GDAP1: variants seen among roughly 807,000 people sequenced by gnomAD.
The protein encoded by GDAP1 is ganglioside induced differentiation associated protein 1.
GDAP1 carries 34 observed loss-of-function variants against 40.1 expected under a neutral mutation model. The observed-to-expected ratio is 0.85, with a 90% CI of 0.64 to 1.13. The LOEUF is 1.13. Among genes scored for constraint, GDAP1 ranks in the 50% most tolerant of loss-of-function variants. GDAP1 has a pLI of 0.00. For missense variants in GDAP1, 374 were observed against 433.7 expected, an observed-to-expected ratio of 0.86 and a Z score of 1.22; for synonymous variants, 170 against 157.4, an observed-to-expected ratio of 1.08 and a Z score of -0.60.
In GDAP1 at chr8:74,361,869, T is replaced by C. The variant is rs760895192; in HGVS notation, c.485-15T>C. ...AGAAAATAATTTTCTGTTTCCAAAA[T>C]GTTTTTATTATCAGGCCAAATTGGA... On this transcript the variant is annotated splice_polypyrimidine_tract_variant and intron_variant, in intron 3 of 5. Transcript: ENST00000220822. 1.4e-6 allele frequency: 2 copies of C among 1,440,506 alleles called. No individual in the cohort carries two copies. The highest frequency in any genetic ancestry group is 2.0e-6 in the Non-Finnish European group (2 of 1,019,720). The allele number at this position is 1,440,506 out of a possible 1,614,324, so 89.2% of individuals were successfully genotyped here. A position where few individuals can be genotyped will look rare whatever the true frequency, so the allele number is the denominator to read the frequency against.
At chr8:74,422,192 C>CT (rs1196157407) in intron 2 of GDAP1, among the ~76,000 whole-genome samples, 1 of 135,850 alleles carries the variant, frequency 7.4e-6, no homozygotes, top group Admixed American at 7.4e-5. Context: ...TCTTTTTTCT[C>CT]TTTCTTCTTT....
chr8:74,375,763 T>C (rs1323859709), intron 2 of GDAP1, among the ~76,000 whole-genome samples: 1 of 152,170 alleles, frequency 6.6e-6, no homozygotes, highest in Non-Finnish European at 1.5e-5. Flanking sequence ...CTACTTGTTA[T>C]CCCATGGAGT....
intron 2 of GDAP1, among the ~76,000 whole-genome samples, chr8:74,474,806 A>G (rs1449192347): frequency 6.6e-6 from 1 of 152,182 alleles, no homozygotes; most frequent in Non-Finnish European, 1.5e-5. Flanking sequence ...TGATGGCCTT[A>G]TAGAATGAGT....
chr8:74,407,619 C>T (rs1008062510), intron 2 of GDAP1, among the ~76,000 whole-genome samples: 2 of 149,874 alleles, frequency 1.3e-5, no homozygotes, highest in African/African-American at 2.6e-5. Flanking sequence ...ACCTTGTGAT[C>T]GTGTGAGTCA....
At chr8:74,455,413 T>C (rs1031744620) in intron 2 of GDAP1, among the ~76,000 whole-genome samples, 1 of 151,974 alleles carries the variant, frequency 6.6e-6, no homozygotes, top group African/African-American at 2.4e-5. Flanking sequence ...AGATGAATTA[T>C]TTGTGCCATC....
At chr8:74,486,331 G>A (rs886860041) in intron 2 of GDAP1, among the ~76,000 whole-genome samples, 1 of 152,096 alleles carries the variant, frequency 6.6e-6, no homozygotes, top group Non-Finnish European at 1.5e-5. Context: ...AGCCACAGGC[G>A]GTCACTCTAT....
chr8:74,472,228 G>C (rs991606574), intron 2 of GDAP1, among the ~76,000 whole-genome samples: 2 of 152,112 alleles, frequency 1.3e-5, no homozygotes, highest in Non-Finnish European at 2.9e-5. Context: ...GAGGATAATG[G>C]CTTCCAACTA....
chr8:74,392,385 A>T (rs1040844389), intron 2 of GDAP1, among the ~76,000 whole-genome samples: 1 of 152,196 alleles, frequency 6.6e-6, no homozygotes, highest in African/African-American at 2.4e-5. Context: ...TCAAAAAACA[A>T]AGAAAACGAG....
At chr8:74,431,600 G>A (rs1302297526) in intron 2 of GDAP1, among the ~76,000 whole-genome samples, 1 of 151,992 alleles carries the variant, frequency 6.6e-6, no homozygotes, top group East Asian at 1.9e-4. Flanking sequence ...TCCTGCCTCA[G>A]CCTCCCAAGT....
intron 2 of GDAP1, among the ~76,000 whole-genome samples, chr8:74,389,956 G>A (rs1161734245): frequency 5.3e-5 from 8 of 151,916 alleles, no homozygotes; most frequent in African/African-American, 1.5e-4. Flanking sequence ...TTCAATCTCC[G>A]ATGTCTTTTC....
At chr8:74,401,794 T>G (rs1339867854) in intron 2 of GDAP1, among the ~76,000 whole-genome samples, 1 of 150,044 alleles carries the variant, frequency 6.7e-6, no homozygotes, top group Non-Finnish European at 1.5e-5. Context: ...GAGCTGCAGG[T>G]CTGTTGGAGT....
chr8:74,459,846 G>A (rs764541442), intron 2 of GDAP1, among the ~76,000 whole-genome samples: 19 of 152,098 alleles, frequency 1.2e-4, no homozygotes, highest in East Asian at 3.9e-4. Context: ...TAAGGCATGC[G>A]CAGGAGCTAT....
chr8:74,488,449 C>G (rs1210922387), intron 2 of GDAP1, among the ~76,000 whole-genome samples: 1 of 152,126 alleles, frequency 6.6e-6, no homozygotes, highest in South Asian at 2.1e-4. Context: ...CATACTTGGA[C>G]ATAAGAATGA....
At chr8:74,383,494 G>A (rs943524940) in intron 2 of GDAP1, among the ~76,000 whole-genome samples, 5 of 152,134 alleles carry the variant, frequency 3.3e-5, no homozygotes, top group African/African-American at 1.2e-4. Flanking sequence ...GATTTCAAAA[G>A]TTTTAGATTT....
intron 2 of GDAP1, among the ~76,000 whole-genome samples, chr8:74,396,639 A>T (rs890125384): frequency 1.3e-5 from 2 of 152,018 alleles, no homozygotes; most frequent in Admixed American, 6.6e-5. Context: ...GTTTACTGAG[A>T]ATGATGATTT....
chr8:74,417,379 A>G (rs926676550), intron 2 of GDAP1, among the ~76,000 whole-genome samples: 1 of 150,020 alleles, frequency 6.7e-6, no homozygotes, highest in Non-Finnish European at 1.5e-5. Context: ...ATACTTCCCA[A>G]CTAGTGTAAT....
chr8:74,422,554 A>C, intron 2 of GDAP1, among the ~76,000 whole-genome samples: 1 of 115,254 alleles, frequency 8.7e-6, no homozygotes, highest in Admixed American at 9.9e-5. Flanking sequence ...TCTCTCAAAC[A>C]GCTCTGAGCT....
chr8:74,417,787 A>G (rs113091911), intron 2 of GDAP1, among the ~76,000 whole-genome samples: 26,358 of 114,726 alleles, frequency 0.23, 3,694 homozygotes, highest in Non-Finnish European at 0.33. Flanking sequence ...AAAGGAAAAG[A>G]AAAAGAAAAT....
chr8:74,415,584 A>C (rs929673915), intron 2 of GDAP1, among the ~76,000 whole-genome samples: 1 of 150,148 alleles, frequency 6.7e-6, no homozygotes, highest in Non-Finnish European at 1.5e-5. Context: ...TCTGGGATAC[A>C]CACACCTACT....
Sources: gnomAD v4.1 joint callset for allele counts (sites outside exome capture counted in the v4.1 genomes callset) on GRCh38, gnomAD v4.1.1 for gene constraint, MANE v1.5 for transcripts, NCBI Gene and HGNC (gene_info 2026-07-23, HGNC 2026-07-21) for gene names.